Variants in DPP6 observed in about 807,000 individuals in gnomAD.
The protein encoded by DPP6 is dipeptidyl peptidase like 6.
A neutral mutation model predicts 122.6 loss-of-function variants in DPP6; 69 were observed. That is an observed-to-expected ratio of 0.56 (90% CI 0.46 to 0.69). DPP6 has a LOEUF of 0.69. Ranked by LOEUF, DPP6 falls within the 30% of genes least tolerant of loss-of-function variation. DPP6 has a pLI of 0.00. For synonymous variants in DPP6, 418 were observed against 433.1 expected (o/e 0.97, Z 0.43); for missense variants, 928 against 1,116.9 (o/e 0.83, Z 2.41).
At chr7:154,176,119 G>A (rs984111408) in intron 1 of DPP6, among the ~76,000 whole-genome samples, 2 of 152,178 alleles carry the variant, frequency 1.3e-5, no homozygotes, top group African/African-American at 4.8e-5. Flanking sequence ...AGAAATATGG[G>A]ACAAGATTTC....
At chr7:153,767,229 C>A in the DPP6 span, among the ~76,000 whole-genome samples, 2 of 152,182 alleles carry the variant, frequency 1.3e-5, no homozygotes, top group African/African-American at 4.8e-5. Context: ...TGTCCACTTT[C>A]CTTCTACCAG....
At chr7:153,820,978 G>A in the DPP6 span, among the ~76,000 whole-genome samples, 1 of 148,414 alleles carries the variant, frequency 6.7e-6, no homozygotes, top group African/African-American at 2.5e-5. Context: ...ATTGACACCG[G>A]CAAAATTGCT....
the DPP6 span, among the ~76,000 whole-genome samples, chr7:153,807,769 A>G: frequency 6.6e-6 from 1 of 151,908 alleles, no homozygotes; most frequent in Admixed American, 6.6e-5. Context: ...CCAAAGCTAA[A>G]TACCTTCCGC....
rs1193650023 is a variant in DPP6 at position 154,731,017 on chromosome 7, C to A, written c.883+3130C>A. Among the ~76,000 whole-genome samples, 3 of 152,200 alleles carry A rather than the reference C, an allele frequency of 2.0e-5. No individual in the cohort carries two copies. The East Asian group carries it at 5.8e-4, about 29-fold the overall frequency. On this transcript the variant is annotated intron_variant, in intron 8 of 25. Coordinates refer to ENST00000377770, the MANE Select transcript of DPP6 (RefSeq NM_130797.4). ...ACAGTTGATGTGGCAGCTTAATCTA[C>A]TTAGTGTTGTTCCCTGGAAGGTTTA...
rs77985994 is a variant in DPP6 at position 154,588,278 on chromosome 7, G to A, written c.627+21362G>A. On this transcript the variant is annotated intron_variant, in intron 5 of 25. Coordinates refer to ENST00000377770, the MANE Select transcript of DPP6 (RefSeq NM_130797.4). ...GGCCTGTTCTCAGAGATGCAGCAAT[G>A]GACCCTCGTGAATACTGAACTGATA... 62,520 of 915,282 alleles carry A rather than the reference G, an allele frequency of 0.068. 2,405 individuals carry two copies. The highest frequency in any genetic ancestry group is 0.073 in the Non-Finnish European group (45,893 of 630,526). The allele number at this position is 915,282 out of a possible 1,614,324, so 56.7% of individuals were successfully genotyped here.
In DPP6 at chr7:154,164,083, A is replaced by C. The variant is rs548153783; in HGVS notation, c.243+111020A>C. On this transcript the variant is annotated intron_variant, in intron 1 of 25. Coordinates refer to ENST00000377770, the MANE Select transcript of DPP6 (RefSeq NM_130797.4). The stretch of plus-strand genomic sequence containing the variant: ...CCCGCCAAACCTCTTCCAGGCACCC[A>C]AGGTCTGGCCTCTGCTCAGGTTCAG... Among the ~76,000 whole-genome samples, 1,133 of 152,132 alleles carry C rather than the reference A, an allele frequency of 7.4e-3. 4 individuals are homozygous for C. The highest frequency in any genetic ancestry group is 0.019 in the South Asian group (93 of 4,794).
intron 7 of DPP6, among the ~76,000 whole-genome samples, chr7:154,722,300 C>T (rs1285687433): frequency 1.3e-5 from 2 of 152,266 alleles, no homozygotes; most frequent in Non-Finnish European, 2.9e-5. Context: ...CCATGCAGCA[C>T]ATCCTCTGTG....
intron 5 of DPP6, among the ~76,000 whole-genome samples, chr7:154,574,198 G>A (rs1422606057): frequency 6.6e-6 from 1 of 151,862 alleles, no homozygotes; most frequent in African/African-American, 2.4e-5. Context: ...GTGTGTGTGT[G>A]TATGTGTGTG....
At chr7:154,284,463 A>G (rs563901136) in intron 1 of DPP6, among the ~76,000 whole-genome samples, 82 of 152,352 alleles carry the variant, frequency 5.4e-4, no homozygotes, top group Admixed American at 1.3e-3. Flanking sequence ...TGATGGATGG[A>G]TCAATAAAAT....
At chr7:154,388,991 G>A (rs566853854) in intron 1 of DPP6, among the ~76,000 whole-genome samples, 7 of 152,178 alleles carry the variant, frequency 4.6e-5, no homozygotes, top group Admixed American at 1.3e-4. Flanking sequence ...TCCCCTGAGC[G>A]TTTTGATTTT....
intron 3 of DPP6, among the ~76,000 whole-genome samples, chr7:154,504,559 G>A (rs1267940274): frequency 6.6e-6 from 1 of 152,096 alleles, no homozygotes; most frequent in African/African-American, 2.4e-5. Context: ...GATAACTCAA[G>A]GATCAACGTA....
At chr7:154,808,894 G>A in intron 16 of DPP6, among the ~76,000 whole-genome samples, 1 of 152,054 alleles carries the variant, frequency 6.6e-6, no homozygotes, top group East Asian at 1.9e-4. Context: ...TTCAAGAAGA[G>A]TGCCCCAAGC....
chr7:154,514,281 G>GA (rs143464608), intron 3 of DPP6, among the ~76,000 whole-genome samples: 2,056 of 151,836 alleles, frequency 0.014, 24 homozygotes, highest in South Asian at 0.026. Context: ...CTCTCAAAAA[G>GA]AAAAAAATAA....
chr7:154,283,772 A>G (rs1464066722), intron 1 of DPP6, among the ~76,000 whole-genome samples: 1 of 152,212 alleles, frequency 6.6e-6, no homozygotes, highest in Non-Finnish European at 1.5e-5. Context: ...ATATGAAAGC[A>G]CGATGGGCAG....
chr7:154,626,047 C>T (rs968188065), intron 5 of DPP6, among the ~76,000 whole-genome samples: 2 of 151,902 alleles, frequency 1.3e-5, no homozygotes, highest in Admixed American at 6.5e-5. Context: ...TCTCAGTGGC[C>T]GCCAGTAGAA....
At chr7:154,568,071 G>T (rs542689932) in intron 5 of DPP6, among the ~76,000 whole-genome samples, 1 of 152,178 alleles carries the variant, frequency 6.6e-6, no homozygotes, top group East Asian at 1.9e-4. Context: ...GGGCATCTTT[G>T]TCTCTTTGAT....
At chr7:153,843,204 G>A in the DPP6 span, among the ~76,000 whole-genome samples, 14 of 151,294 alleles carry the variant, frequency 9.3e-5, no homozygotes, top group East Asian at 1.9e-4. Context: ...ATACACACAC[G>A]TGCACACACA....
chr7:154,659,983 C>T (rs553473921), intron 6 of DPP6, among the ~76,000 whole-genome samples: 18 of 152,278 alleles, frequency 1.2e-4, no homozygotes, highest in African/African-American at 2.4e-4. Flanking sequence ...TGCTGAAGGC[C>T]GTGTGATCCA....
At chr7:154,580,066 G>A (rs151072170) in intron 5 of DPP6, among the ~76,000 whole-genome samples, 6 of 151,994 alleles carry the variant, frequency 3.9e-5, no homozygotes, top group African/African-American at 9.7e-5. Flanking sequence ...CCCGCGCGTC[G>A]GAGGGGATAG....
Sources: gnomAD v4.1 joint callset for allele counts (sites outside exome capture counted in the v4.1 genomes callset) on GRCh38, gnomAD v4.1.1 for gene constraint, MANE v1.5 for transcripts, NCBI Gene and HGNC (gene_info 2026-07-23, HGNC 2026-07-21) for gene names.